Variants in CCDC73 observed in about 807,000 individuals in gnomAD.
CCDC73 encodes the protein coiled-coil domain containing 73.
CCDC73 carries 95 observed loss-of-function variants against 116.5 expected under a neutral mutation model. The observed-to-expected ratio is 0.82, with a 90% CI of 0.69 to 0.97. CCDC73 has a LOEUF of 0.97. Among genes scored for constraint, CCDC73 ranks in the 50% least tolerant of loss-of-function variants. The pLI is 0.00. For synonymous variants in CCDC73, 398 were observed against 401.3 expected (o/e 0.99, Z 0.10); for missense variants, 1,066 against 1,206.8 (o/e 0.88, Z 1.73).
intron 2 of CCDC73, chr11:32,758,516 A>G (rs1850363260): frequency 2.2e-6 from 1 of 459,654 alleles, no homozygotes; most frequent in East Asian, 5.6e-5. Context: ...CATGTATGCT[A>G]ATTGTGTCCA....
At chr11:32,737,036 C>A (rs1850137761) in intron 2 of CCDC73, among the ~76,000 whole-genome samples, 1 of 150,854 alleles carries the variant, frequency 6.6e-6, no homozygotes, top group African/African-American at 2.4e-5. Flanking sequence ...CTCTTCCCAC[C>A]TCAGCCTCCC....
intron 16 of CCDC73, among the ~76,000 whole-genome samples, chr11:32,611,967 A>G (rs1367375161): frequency 1.3e-5 from 2 of 152,208 alleles, no homozygotes; most frequent in African/African-American, 4.8e-5. Flanking sequence ...TTAAAAGTTA[A>G]TGGAATCTTA....
chr11:32,816,699 GTTATTAAAGCCTC>G, the CCDC73 span, among the ~76,000 whole-genome samples: 1 of 152,156 alleles, frequency 6.6e-6, no homozygotes, highest in African/African-American at 2.4e-5. Flanking sequence ...GCTTTTCAAT[GTTATTAAAGCCTC>G]TTTTACATCT....
chr11:32,633,170 C>T (rs1301789243), intron 14 of CCDC73, among the ~76,000 whole-genome samples: 1 of 152,194 alleles, frequency 6.6e-6, no homozygotes, highest in African/African-American at 2.4e-5. Flanking sequence ...TCCCCTGCCT[C>T]AGCCTCCCGA....
At chr11:32,736,047 C>G (rs1379266942) in intron 2 of CCDC73, among the ~76,000 whole-genome samples, 1 of 151,996 alleles carries the variant, frequency 6.6e-6, no homozygotes, top group Non-Finnish European at 1.5e-5. Flanking sequence ...GACCTAAAAC[C>G]ATAAAAACCC....
At chr11:32,709,567 A>T (rs1174948529) in intron 3 of CCDC73, among the ~76,000 whole-genome samples, 1 of 152,162 alleles carries the variant, frequency 6.6e-6, no homozygotes, top group Non-Finnish European at 1.5e-5. Context: ...AGGTGCTGGG[A>T]TTACAGGTGT....
At chr11:32,653,033 G>T (rs940451149) in intron 12 of CCDC73, 90 bp downstream of exon 12, 6 of 733,460 alleles carry the variant, frequency 8.2e-6, no homozygotes, top group South Asian at 4.0e-5. Flanking sequence ...AATAAAACTG[G>T]ACAGAAAAAT....
At chr11:32,615,789 A>C in intron 15 of CCDC73, 151 bp downstream of exon 15, 2 of 741,058 alleles carry the variant, frequency 2.7e-6, no homozygotes, top group South Asian at 2.1e-5. Flanking sequence ...CTCCAAGAAC[A>C]TTCTCAGCAA....
intron 14 of CCDC73, among the ~76,000 whole-genome samples, chr11:32,633,210 G>A (rs1430493371): frequency 6.6e-6 from 1 of 152,056 alleles, no homozygotes; most frequent in African/African-American, 2.4e-5. Flanking sequence ...CCAAAACCTG[G>A]TTCTTTGAAA....
rs549772198 is a variant in CCDC73 at position 32,693,926 on chromosome 11, A to G, written c.390+5325T>C. Among the ~76,000 whole-genome samples, 3 of 152,248 alleles carry G rather than the reference A, an allele frequency of 2.0e-5. No homozygotes were observed. In the South Asian group the frequency reaches 6.2e-4, roughly 32 times the overall value. Reference sequence around the variant, plus strand: ...GATGGAACGCATCTCAAAATAATAAAAGCTATTTATGACAAACCCACAGCC... The same window carrying G: ...GATGGAACGCATCTCAAAATAATAAGAGCTATTTATGACAAACCCACAGCC... On this transcript the variant is annotated intron_variant, in intron 6 of 17. Coordinates refer to ENST00000335185, the MANE Select transcript of CCDC73 (RefSeq NM_001008391.4).
chr11:32,779,664 C>T (rs1204879633), intron 1 of CCDC73, among the ~76,000 whole-genome samples: 2 of 152,144 alleles, frequency 1.3e-5, no homozygotes, highest in Non-Finnish European at 2.9e-5. Flanking sequence ...CCTTCCCATT[C>T]CTGAACCAAT....
At chr11:32,749,539 T>C (rs1300249342) in intron 2 of CCDC73, among the ~76,000 whole-genome samples, 1 of 152,082 alleles carries the variant, frequency 6.6e-6, no homozygotes, top group African/African-American at 2.4e-5. Flanking sequence ...ATTAGTTTGT[T>C]TGGTGAGGTA....
intron 2 of CCDC73, among the ~76,000 whole-genome samples, chr11:32,744,371 C>G (rs945858876): frequency 1.3e-5 from 2 of 152,024 alleles, no homozygotes; most frequent in Admixed American, 1.3e-4. Flanking sequence ...AAAATTCTCT[C>G]TTTTTATTGT....
At chr11:32,610,534 T>C (rs574776387) in intron 17 of CCDC73, among the ~76,000 whole-genome samples, 9 of 152,222 alleles carry the variant, frequency 5.9e-5, no homozygotes, top group South Asian at 2.1e-4. Context: ...TGCTTAAAGT[T>C]CTATACACTA....
intron 14 of CCDC73, among the ~76,000 whole-genome samples, chr11:32,620,699 A>G (rs1486575072): frequency 6.6e-6 from 1 of 151,246 alleles, no homozygotes; most frequent in Non-Finnish European, 1.5e-5. Context: ...TCCAGCTCAC[A>G]CTCAAGTGGA....
chr11:32,683,501 C>T, intron 7 of CCDC73, 35 bp downstream of exon 7: 1 of 1,383,898 alleles, frequency 7.2e-7, no homozygotes, highest in Non-Finnish European at 1.0e-6. Flanking sequence ...AGTACTAATC[C>T]AGATGGGGGA....
At chr11:32,782,100 C>T (rs1410197158) in intron 1 of CCDC73, among the ~76,000 whole-genome samples, 1 of 152,160 alleles carries the variant, frequency 6.6e-6, no homozygotes, top group Non-Finnish European at 1.5e-5. Context: ...TTATGAGAAT[C>T]TAATGCATGA....
At chr11:32,689,868 G>A (rs1856238660) in intron 6 of CCDC73, among the ~76,000 whole-genome samples, 2 of 152,010 alleles carry the variant, frequency 1.3e-5, no homozygotes, top group African/African-American at 4.8e-5. Flanking sequence ...GGTGGCGGGC[G>A]CCTGTGGTCC....
intron 2 of CCDC73, among the ~76,000 whole-genome samples, chr11:32,740,842 G>C (rs1367384041): frequency 8.6e-5 from 13 of 151,574 alleles, no homozygotes; most frequent in Admixed American, 8.6e-4. Flanking sequence ...TATTGATTTT[G>C]CTGTATCCCA....
Sources: gnomAD v4.1 joint callset for allele counts (sites outside exome capture counted in the v4.1 genomes callset) on GRCh38, gnomAD v4.1.1 for gene constraint, MANE v1.5 for transcripts, NCBI Gene and HGNC (gene_info 2026-07-23, HGNC 2026-07-21) for gene names.